Variants in RBFOX1 observed in about 807,000 individuals in gnomAD.
The protein encoded by RBFOX1 is RNA binding protein fox-1 homolog 1.
Under a neutral mutation model 57.7 loss-of-function variants are expected in RBFOX1, and 8 were observed. The ratio of observed to expected loss-of-function variants is 0.14; its 90% CI spans 0.08 to 0.25. RBFOX1 has a LOEUF of 0.25. RBFOX1 is among the 10% of genes least tolerant of loss of function. The probability of loss-of-function intolerance (pLI) is 1.00; values close to 1 mark genes in which losing one functional copy is unlikely to be tolerated. For missense variants in RBFOX1, 611 were observed against 548.5 expected (o/e 1.11, Z -1.14); for synonymous variants, 326 against 222.4 (o/e 1.47, Z -4.15).
chr16:5,891,682 A>G (rs144295374), intron 4 of RBFOX1, among the ~76,000 whole-genome samples: 87 of 152,202 alleles, frequency 5.7e-4, no homozygotes, highest in Admixed American at 8.5e-4. Context: ...AAGAGCAGAG[A>G]CTGGACTCAT....
chr16:5,646,757 C>G (rs1306930184), intron 3 of RBFOX1, among the ~76,000 whole-genome samples: 7 of 152,138 alleles, frequency 4.6e-5, no homozygotes, highest in Admixed American at 1.3e-4. Context: ...GCCTTAGCCT[C>G]CCAAGTAGCT....
intron 1 of RBFOX1, among the ~76,000 whole-genome samples, chr16:5,273,717 G>A (rs954742827): frequency 1.6e-4 from 25 of 152,126 alleles, no homozygotes; most frequent in African/African-American, 4.6e-4. Context: ...GAGTCTGTGG[G>A]TCAGTGGAAT....
chr16:6,127,453 C>T (rs549759398), intron 1 of RBFOX1, among the ~76,000 whole-genome samples: 1 of 152,048 alleles, frequency 6.6e-6, no homozygotes, highest in Non-Finnish European at 1.5e-5. Context: ...GTAGGCAAGG[C>T]AGGGATTTGA....
At position 6,871,374 on chromosome 16, in the gene RBFOX1, T is replaced by C. The variant is rs565938006; in HGVS notation, c.-15-180683T>C. ...CTAATTTTTGTATTTTTAGTAGACA[T>C]AGGGTTTCAGTATGTTGGCCAGGCT... On this transcript the variant is annotated intron_variant, in intron 3 of 15. Transcript: ENST00000550418. Among the ~76,000 whole-genome samples the C allele has an allele frequency of 1.2e-4, 18 of 152,152 alleles. No individual in the cohort carries two copies. The South Asian group carries it at 1.5e-3, about 12-fold the overall frequency.
chr16:7,241,368 A>T (rs1366100824), intron 4 of RBFOX1, among the ~76,000 whole-genome samples: 1 of 152,194 alleles, frequency 6.6e-6, no homozygotes, highest in East Asian at 1.9e-4. Context: ...TGGAAAGAGC[A>T]TGTGATTCCC....
rs139884582 is a variant in RBFOX1 at position 7,410,284 on chromosome 16, A to T, written c.28-107863A>T. ...CCAACACAGCCACTGTCTATTACAG[A>T]TACTGTTATTGCTCTCACTTGACAA... is the stretch of plus-strand genomic sequence containing the variant. On this transcript the variant is annotated intron_variant, in intron 4 of 15. Transcript: ENST00000550418. Among the ~76,000 whole-genome samples, 11 of 152,322 alleles carry T rather than the reference A, an allele frequency of 7.2e-5. No individual in the cohort carries two copies. The East Asian group carries it at 2.1e-3, about 29-fold the overall frequency.
At chr16:7,500,994 T>A (rs544567630) in intron 4 of RBFOX1, among the ~76,000 whole-genome samples, 4 of 152,300 alleles carry the variant, frequency 2.6e-5, no homozygotes, top group Admixed American at 2.6e-4. Context: ...CCTGCTGCCA[T>A]GTGAAGAAGG....
chr16:5,711,709 G>A (rs540210381), intron 3 of RBFOX1, among the ~76,000 whole-genome samples: 2 of 152,228 alleles, frequency 1.3e-5, no homozygotes, highest in East Asian at 3.9e-4. Context: ...TTACTCTCAG[G>A]AAAATGGGAA....
chr16:6,682,870 TAAAAA>T (rs33948007), intron 3 of RBFOX1, among the ~76,000 whole-genome samples: 1 of 115,818 alleles, frequency 8.6e-6, no homozygotes, highest in Non-Finnish European at 1.9e-5. Flanking sequence ...AGAAAAGAAT[TAAAAA>T]AAAAAAAAAA....
At chr16:5,520,570 A>C (rs940824705) in intron 2 of RBFOX1, among the ~76,000 whole-genome samples, 2 of 152,214 alleles carry the variant, frequency 1.3e-5, no homozygotes, top group African/African-American at 4.8e-5. Flanking sequence ...GATGCAATGC[A>C]ATGGCTAGAG....
chr16:6,954,850 G>C (rs754709125), intron 3 of RBFOX1, among the ~76,000 whole-genome samples: 4 of 152,050 alleles, frequency 2.6e-5, no homozygotes, highest in Non-Finnish European at 5.9e-5. Flanking sequence ...ATAACCTTGG[G>C]CAAGTTGCCT....
rs559299059 is a variant in RBFOX1, at chr16:7,013,359, C to G, written c.-15-38698C>G. Among the ~76,000 whole-genome samples, 83 of 152,294 alleles carry G rather than the reference C, an allele frequency of 5.4e-4. No homozygotes were observed. The South Asian group carries it at 0.012, about 22-fold the overall frequency. ...GTGCAATAAACATAAACCAGTCCCT[C>G]TCACTTGAAGGAAAAATTGCCCACT... On this transcript the variant is annotated intron_variant, in intron 3 of 15. Transcript: ENST00000550418.
At chr16:6,349,181 C>G (rs1278275131) in intron 2 of RBFOX1, among the ~76,000 whole-genome samples, 2 of 152,120 alleles carry the variant, frequency 1.3e-5, no homozygotes, top group Non-Finnish European at 2.9e-5. Flanking sequence ...GAATTTTAGA[C>G]AGGTTTAGAG....
At chr16:6,280,492 G>A (rs1026295671) in intron 1 of RBFOX1, among the ~76,000 whole-genome samples, 5 of 152,106 alleles carry the variant, frequency 3.3e-5, no homozygotes, top group African/African-American at 1.2e-4. Flanking sequence ...GGAAGGGGAG[G>A]ATTGATACAT....
At chr16:5,388,510 G>C (rs540222421) in intron 1 of RBFOX1, among the ~76,000 whole-genome samples, 2 of 152,234 alleles carry the variant, frequency 1.3e-5, no homozygotes, top group African/African-American at 4.8e-5. Context: ...CATACTGTGA[G>C]CTGGATTTGG....
intron 4 of RBFOX1, among the ~76,000 whole-genome samples, chr16:7,086,299 C>T (rs572035817): frequency 1.2e-4 from 19 of 152,076 alleles, no homozygotes; most frequent in Non-Finnish European, 2.2e-4. Flanking sequence ...TCTCTGTGTG[C>T]CATGTAAAAA....
At chr16:5,840,233 C>G (rs2056584636) in intron 3 of RBFOX1, among the ~76,000 whole-genome samples, 1 of 152,202 alleles carries the variant, frequency 6.6e-6, no homozygotes, top group African/African-American at 2.4e-5. Context: ...ATCTCAGTCT[C>G]AGCCTTATCT....
chr16:6,251,037 A>G (rs530742724), intron 1 of RBFOX1, among the ~76,000 whole-genome samples: 38 of 152,128 alleles, frequency 2.5e-4, no homozygotes, highest in Non-Finnish European at 5.0e-4. Context: ...GTCATTTGCA[A>G]TGGAAGCGGT....
intron 2 of RBFOX1, among the ~76,000 whole-genome samples, chr16:6,463,835 G>A (rs953068273): frequency 2.6e-5 from 4 of 152,108 alleles, no homozygotes; most frequent in Non-Finnish European, 5.9e-5. Flanking sequence ...ACTGTTAGAA[G>A]GAGGTGAGTT....
Sources: gnomAD v4.1 joint callset for allele counts (sites outside exome capture counted in the v4.1 genomes callset) on GRCh38, gnomAD v4.1.1 for gene constraint, MANE v1.5 for transcripts, NCBI Gene and HGNC (gene_info 2026-07-23, HGNC 2026-07-21) for gene names.